FREM1: variants seen among roughly 807,000 people sequenced by gnomAD.
FREM1 encodes the protein FRAS1-related extracellular matrix protein 1.
FREM1 carries 220 observed loss-of-function variants against 210.1 expected under a neutral mutation model. That is an observed-to-expected ratio of 1.05 (90% confidence interval 0.94 to 1.17). The LOEUF (loss-of-function observed/expected upper bound fraction) is 1.17. Among genes scored for constraint, FREM1 ranks in the 50% most tolerant of loss-of-function variants. The pLI, the probability that FREM1 is intolerant of heterozygous loss-of-function variation, is 0.00. For missense variants in FREM1, 3,454 were observed against 2,675.5 expected (o/e 1.29, Z -6.42); for synonymous variants, 1,189 against 980.2 (o/e 1.21, Z -3.98).
chr9:14,855,108 T>A (rs1259657698), intron 5 of FREM1, among the ~76,000 whole-genome samples: 3 of 152,030 alleles, frequency 2.0e-5, no homozygotes, highest in Admixed American at 6.5e-5. Flanking sequence ...ATAATGGCCA[T>A]GAAAATTTTG....
chr9:14,813,823 G>A (rs1338442927), intron 15 of FREM1, among the ~76,000 whole-genome samples: 2 of 152,278 alleles, frequency 1.3e-5, no homozygotes, highest in East Asian at 3.9e-4. Flanking sequence ...GTGCTGCAAG[G>A]CTGCCACGTC....
chr9:14,807,331 C>T (rs752544506), intron 17 of FREM1, among the ~76,000 whole-genome samples: 6 of 152,118 alleles, frequency 3.9e-5, no homozygotes, highest in Non-Finnish European at 8.8e-5. Context: ...AGAGTTTTTT[C>T]GTGGCTTGAT....
At chr9:14,893,030 T>C (rs911936607) in intron 1 of FREM1, among the ~76,000 whole-genome samples, 41 of 152,146 alleles carry the variant, frequency 2.7e-4, no homozygotes, top group African/African-American at 9.4e-4. Flanking sequence ...TCACATGTAT[T>C]TTACTCTGGC....
At chr9:14,814,005 C>T (rs900030556) in intron 15 of FREM1, among the ~76,000 whole-genome samples, 2 of 152,140 alleles carry the variant, frequency 1.3e-5, no homozygotes, top group Non-Finnish European at 2.9e-5. Context: ...CTTTGCCACT[C>T]CACTCCAGTT....
In FREM1 at chr9:14,859,606, A is replaced by G. The variant is rs1829437949; in HGVS notation, c.330-122T>C. Reference sequence around the variant, plus strand: ...AATTTGTGCCACAGATTGAGTTTGGATTTCATTTCTTGCTCTACTCCCAGC... The same window carrying G: ...AATTTGTGCCACAGATTGAGTTTGGGTTTCATTTCTTGCTCTACTCCCAGC... On this transcript the variant is annotated intron_variant, in intron 3 of 36. Transcript: ENST00000380880. 6 of 785,886 alleles carry G rather than the reference A, an allele frequency of 7.6e-6. No individual in the cohort carries two copies. In the Admixed American group the frequency reaches 9.8e-5, roughly 13 times the overall value. 48.7% of individuals were successfully genotyped at this position (785,886 alleles called of 1,614,324 possible).
chr9:14,829,084 C>T lies in FREM1; in HGVS notation c.1882-4092G>A, dbSNP rs148827749. On this transcript the variant is annotated intron_variant, in intron 10 of 36. Transcript: ENST00000380880. ...GTAGGTGCCCAATAAATACTACATT[C>T]GTCTCTGTATCTCCACAACATCTAG... 3.5e-3 allele frequency among the ~76,000 whole-genome samples: 527 copies of T among 152,276 alleles called. 16 individuals carry two copies. Among genetic ancestry groups the T allele is most frequent in the Admixed American group, 0.029 (441 of 15,294 alleles).
At chr9:14,887,500 A>G (rs2132299041) in intron 1 of FREM1, among the ~76,000 whole-genome samples, 1 of 152,328 alleles carries the variant, frequency 6.6e-6, no homozygotes, top group Admixed American at 6.5e-5. Flanking sequence ...ATAACCTCTT[A>G]TCGAGCTTTA....
Position 14,796,054 on chromosome 9 carries a change from T to C in FREM1, c.3839+1444A>G, listed in dbSNP as rs550089517. 3.3e-5 allele frequency among the ~76,000 whole-genome samples: 5 copies of C among 152,356 alleles called. No individual in the cohort carries two copies. The East Asian group carries it at 9.6e-4, about 29-fold the overall frequency. ...ATAGAAATTTTTTGGTGAATACTTT[T>C]AGACAAACTGATGTATGAGATGCAA... On this transcript the variant is annotated intron_variant, in intron 21 of 36. Coordinates refer to ENST00000380880, the MANE Select transcript of FREM1 (RefSeq NM_001379081.2).
intron 21 of FREM1, among the ~76,000 whole-genome samples, chr9:14,793,336 A>T (rs1851755128): frequency 6.6e-6 from 1 of 152,214 alleles, no homozygotes; most frequent in South Asian, 2.1e-4. Context: ...ATGATATGCC[A>T]TTCTGAGTTA....
chr9:14,840,501 C>T (rs527457068), intron 10 of FREM1, among the ~76,000 whole-genome samples: 12 of 152,258 alleles, frequency 7.9e-5, no homozygotes, highest in African/African-American at 1.9e-4. Flanking sequence ...AGAGAGAGCG[C>T]GCAAGCTTGT....
Position 14,745,070 on chromosome 9 carries a change from A to G in FREM1, c.6254+1283T>C, listed in dbSNP as rs191384301. Reference sequence around the variant, plus strand: ...TAAGTGAGAGCTACATGATGAGAACACATGGACACATAGAGGGGAACAACG... The same window carrying G: ...TAAGTGAGAGCTACATGATGAGAACGCATGGACACATAGAGGGGAACAACG... On this transcript the variant is annotated intron_variant, in intron 35 of 36. Coordinates refer to ENST00000380880, the MANE Select transcript of FREM1 (RefSeq NM_001379081.2). 4.2e-3 allele frequency among the ~76,000 whole-genome samples: 635 copies of G among 152,322 alleles called. 6 individuals are homozygous for G. Among genetic ancestry groups the G allele is most frequent in the African/African-American group, 0.015 (612 of 41,572 alleles).
chr9:14,750,709 T>C (rs1382797182), intron 29 of FREM1, among the ~76,000 whole-genome samples: 2 of 152,168 alleles, frequency 1.3e-5, no homozygotes, highest in Non-Finnish European at 2.9e-5. Context: ...ATGGAACCCT[T>C]GAAATGATTG....
intron 5 of FREM1, among the ~76,000 whole-genome samples, chr9:14,857,107 A>G (rs62537680): frequency 0.028 from 4,245 of 152,214 alleles, 91 homozygotes; most frequent in Non-Finnish European, 0.041. Flanking sequence ...AGAGTGACAA[A>G]TCTGTGACAA....
At chr9:14,858,476 A>AG (rs1192487590) in intron 4 of FREM1, among the ~76,000 whole-genome samples, 1 of 149,830 alleles carries the variant, frequency 6.7e-6, no homozygotes, top group Non-Finnish European at 1.5e-5. Flanking sequence ...CTGGGATTAT[A>AG]GGTGTGAGCC....
chr9:14,822,533 A>G (rs1418375139), intron 13 of FREM1, among the ~76,000 whole-genome samples: 1 of 152,144 alleles, frequency 6.6e-6, no homozygotes, highest in Non-Finnish European at 1.5e-5. Context: ...AAGAATAATA[A>G]TGACCATACT....
At chr9:14,858,744 C>T (rs1172063429) in intron 4 of FREM1, among the ~76,000 whole-genome samples, 3 of 152,100 alleles carry the variant, frequency 2.0e-5, no homozygotes, top group Admixed American at 1.3e-4. Flanking sequence ...ATCACTGCTA[C>T]CCACTAGCTT....
chr9:14,792,684 T>C (rs1221419859), intron 22 of FREM1, 59 bp downstream of exon 22: 2 of 1,282,612 alleles, frequency 1.6e-6, no homozygotes. Flanking sequence ...AATGTGTATA[T>C]TGAGAAGATT....
At chr9:14,854,034 G>T (rs1018984881) in intron 5 of FREM1, among the ~76,000 whole-genome samples, 1 of 152,106 alleles carries the variant, frequency 6.6e-6, no homozygotes, top group Non-Finnish European at 1.5e-5. Context: ...TATAAACAAA[G>T]CAATTGCCAG....
chr9:14,861,020 C>CACATATATACATATATACATATAT (rs199934343), intron 3 of FREM1, among the ~76,000 whole-genome samples: 1 of 101,488 alleles, frequency 9.9e-6, no homozygotes, highest in Non-Finnish European at 1.8e-5. Flanking sequence ...TACATATATA[C>CACATATATACATATATACATATAT]ACATATATAC....
Sources: gnomAD v4.1 joint callset for allele counts (sites outside exome capture counted in the v4.1 genomes callset) on GRCh38, gnomAD v4.1.1 for gene constraint, MANE v1.5 for transcripts, NCBI Gene and HGNC (gene_info 2026-07-23, HGNC 2026-07-21) for gene names.